Variants in SLC22A23 observed in about 807,000 individuals in gnomAD.
The protein encoded by SLC22A23 is solute carrier family 22 member 23, also known as ion transporter protein.
SLC22A23 carries 26 observed loss-of-function variants against 61.0 expected under a neutral mutation model. The ratio of observed to expected loss-of-function variants is 0.43; its 90% CI spans 0.31 to 0.59. The LOEUF is 0.59. Among genes scored for constraint, SLC22A23 ranks in the 20% least tolerant of loss-of-function variants. SLC22A23 has a pLI of 0.11. For synonymous variants in SLC22A23, 430 were observed against 413.9 expected (o/e 1.04, Z -0.47); for missense variants, 796 against 934.7 (o/e 0.85, Z 1.94).
At chr6:3,445,730 G>A (rs1771862185) in intron 1 of SLC22A23, among the ~76,000 whole-genome samples, 2 of 152,144 alleles carry the variant, frequency 1.3e-5, no homozygotes, top group Admixed American at 1.3e-4. Flanking sequence ...AGGGGCTCGA[G>A]CAAGTGGAAT....
chr6:3,353,007 T>C (rs892672541), intron 3 of SLC22A23, among the ~76,000 whole-genome samples: 3 of 152,166 alleles, frequency 2.0e-5, no homozygotes, highest in African/African-American at 7.2e-5. Flanking sequence ...AATACTACAG[T>C]GATTATATTC....
At chr6:3,365,589 A>G (rs1765757035) in intron 3 of SLC22A23, among the ~76,000 whole-genome samples, 1 of 152,186 alleles carries the variant, frequency 6.6e-6, no homozygotes, top group Admixed American at 6.5e-5. Context: ...TCTCTATTTC[A>G]TAGTGTTTCT....
intron 6 of SLC22A23, among the ~76,000 whole-genome samples, chr6:3,287,488 G>A (rs968465884): frequency 2.0e-5 from 3 of 152,078 alleles, no homozygotes; most frequent in African/African-American, 4.8e-5. Context: ...ACAGGGGCAG[G>A]GGGGCAGAGC....
chr6:3,417,922 A>G (rs1769838502), intron 1 of SLC22A23, among the ~76,000 whole-genome samples: 1 of 151,852 alleles, frequency 6.6e-6, no homozygotes, highest in South Asian at 2.1e-4. Context: ...GAACATTCAC[A>G]TATGTATGCT....
At position 3,386,242 on chromosome 6, in the gene SLC22A23, T is replaced by G. The variant is rs754586153; in HGVS notation, c.913+23946A>C. On this transcript the variant is annotated intron_variant, in intron 3 of 9. Coordinates refer to ENST00000406686, the MANE Select transcript of SLC22A23 (RefSeq NM_015482.2). This position sits in a 1 kb window ranked among gnomAD's most constrained non-coding sequence, Gnocchi z 4.4. ...CCAGTGTGCCCTGACAGTGCACGGT[T>G]AGGGGTTTAGAAACCCAAGGCAGGG... Among the ~76,000 whole-genome samples, 1 of 152,166 alleles carries G rather than the reference T, an allele frequency of 6.6e-6. No individual in the cohort carries two copies. Among genetic ancestry groups the G allele is most frequent in the Non-Finnish European group, 1.5e-5 (1 of 68,016 alleles).
chr6:3,311,261 G>A (rs774588410), intron 4 of SLC22A23, among the ~76,000 whole-genome samples: 12 of 152,214 alleles, frequency 7.9e-5, no homozygotes, highest in African/African-American at 2.4e-4. Flanking sequence ...AAAAGGCATC[G>A]TGGAGATAAG....
chr6:3,307,080 T>G (rs1431761934), intron 4 of SLC22A23, among the ~76,000 whole-genome samples: 1 of 152,178 alleles, frequency 6.6e-6, no homozygotes, highest in Admixed American at 6.5e-5. Flanking sequence ...AGAGCAGATG[T>G]TTGCTGATGG....
rs566415769 is a variant in SLC22A23, at chr6:3,283,037, G to A, written c.1703+815C>T. On this transcript the variant is annotated intron_variant, in intron 9 of 9. Transcript: ENST00000406686. ...GTGTTTTCTGGGCCTAGTGTCTGGCGCGCAGTGGGCTCTCCATCCATGTTT... is the reference window on the plus strand; with the variant it reads ...GTGTTTTCTGGGCCTAGTGTCTGGCACGCAGTGGGCTCTCCATCCATGTTT... Among the ~76,000 whole-genome samples, 187 of 152,294 alleles carry A rather than the reference G, an allele frequency of 1.2e-3. 5 individuals are homozygous for A. Among genetic ancestry groups the A allele is most frequent in the African/African-American group, 4.2e-3 (175 of 41,546 alleles).
intron 3 of SLC22A23, among the ~76,000 whole-genome samples, chr6:3,348,177 T>C (rs1489497472): frequency 6.6e-6 from 1 of 152,184 alleles, no homozygotes; most frequent in Non-Finnish European, 1.5e-5. Context: ...CCCAACCCTC[T>C]AATCCTTGGT....
chr6:3,343,060 C>G (rs1764237324), intron 3 of SLC22A23, among the ~76,000 whole-genome samples: 1 of 152,194 alleles, frequency 6.6e-6, no homozygotes, highest in Non-Finnish European at 1.5e-5. Flanking sequence ...TCATCTTCAC[C>G]TCTGCTGGGA....
At chr6:3,280,851 A>G (rs1759409948) in intron 9 of SLC22A23, among the ~76,000 whole-genome samples, 1 of 152,108 alleles carries the variant, frequency 6.6e-6, no homozygotes, top group African/African-American at 2.4e-5. Context: ...CCTTAACCCC[A>G]GGTCATCCTG....
intron 8 of SLC22A23, 109 bp from the exon 9 acceptor site, chr6:3,284,084 G>T: frequency 8.8e-7 from 1 of 1,140,204 alleles, no homozygotes; most frequent in East Asian, 2.6e-5. Flanking sequence ...CCAGCTTGCG[G>T]CATGGATGGG....
At chr6:3,291,002 C>T (rs9392473) in intron 5 of SLC22A23, 11,731 of 152,274 alleles carry the variant, frequency 0.077, 692 homozygotes, top group East Asian at 0.32. Context: ...GGCGGCATCC[C>T]GGGTGGGAGG....
intron 3 of SLC22A23, among the ~76,000 whole-genome samples, chr6:3,366,146 T>G (rs6931226): frequency 6.6e-6 from 1 of 151,346 alleles, no homozygotes; most frequent in Non-Finnish European, 1.5e-5. Flanking sequence ...CTGGCTAACA[T>G]GGTGAAACCC....
intron 3 of SLC22A23, among the ~76,000 whole-genome samples, chr6:3,365,308 C>T (rs547729450): frequency 6.6e-6 from 1 of 152,250 alleles, no homozygotes. Context: ...GGTGACAGAG[C>T]GAGATCCTGT....
intron 8 of SLC22A23, among the ~76,000 whole-genome samples, chr6:3,284,377 AAG>A (rs1300151771): frequency 2.6e-5 from 4 of 152,210 alleles, no homozygotes; most frequent in Non-Finnish European, 5.9e-5. Context: ...GGGTTGATTT[AAG>A]GAAACAAAAA....
chr6:3,400,076 C>A (rs913056734), intron 3 of SLC22A23, among the ~76,000 whole-genome samples: 1 of 152,156 alleles, frequency 6.6e-6, no homozygotes, highest in African/African-American at 2.4e-5. Context: ...TGGGGTTTCA[C>A]CATGTTGGTC....
intron 3 of SLC22A23, among the ~76,000 whole-genome samples, chr6:3,341,579 G>A (rs1405909071): frequency 6.6e-6 from 1 of 152,208 alleles, no homozygotes; most frequent in Non-Finnish European, 1.5e-5. Context: ...CTGCTCTGGT[G>A]TTAGATGACA....
chr6:3,294,844 G>A (rs980157072), intron 5 of SLC22A23, among the ~76,000 whole-genome samples: 2 of 152,184 alleles, frequency 1.3e-5, no homozygotes, highest in African/African-American at 4.8e-5. Context: ...CTTTAAAAGA[G>A]AAAAGGAAAT....
Sources: allele counts gnomAD v4.1 joint callset (sites outside exome capture counted in the v4.1 genomes callset), GRCh38; gene constraint gnomAD v4.1.1; non-coding constraint Gnocchi (gnomAD v3.1); transcripts MANE v1.5; gene names NCBI Gene and HGNC (gene_info 2026-07-23, HGNC 2026-07-21).